The following ZNHIT3 variants were observed in gnomAD, a reference collection of about 807,000 sequenced individuals.
ZNHIT3 encodes zinc finger HIT-type containing 3, also known as zinc finger HIT domain-containing protein 3.
Under a neutral mutation model 19.9 loss-of-function variants are expected in ZNHIT3, and 27 were observed. The observed-to-expected ratio is 1.36, with a 90% CI of 1.00 to 1.87. The LOEUF (loss-of-function observed/expected upper bound fraction) is 1.87. Among genes scored for constraint, ZNHIT3 ranks in the 40% most tolerant of loss-of-function variants. The pLI, the probability that ZNHIT3 is intolerant of heterozygous loss-of-function variation, is 0.00. For missense variants in ZNHIT3, 215 were observed against 185.6 expected, an observed-to-expected ratio of 1.16 and a Z score of -0.92; for synonymous variants, 81 against 65.7, an observed-to-expected ratio of 1.23 and a Z score of -1.13.
At position 36,495,270 on chromosome 17, in the gene ZNHIT3, C is replaced by T. The variant is rs767262352; in HGVS notation, c.334C>T (p.Gln112Ter). 47 of 1,612,132 alleles carry T rather than the reference C, an allele frequency of 2.9e-5. No homozygotes were observed. The highest frequency in any genetic ancestry group is 3.9e-5 in the Non-Finnish European group (46 of 1,179,564). The change falls in exon 5 of 5, where the codon CAG (glutamine) becomes TAG (stop). Residue 112 changes from glutamine (Q) to a stop codon, truncating the protein, a stop_gained. Coordinates refer to ENST00000617429, the MANE Select transcript of ZNHIT3 (RefSeq NM_004773.4). LOFTEE classifies it high-confidence loss of function. ...CTTATTGCTCAATCCACACCTCAGG[C>T]AGTTGATGGTCAACCTCGATCAGGG... ...RSLLLNPHLRQLMVNLDQGED... is the reference protein window; with the variant it reads ...RSLLLNPHLR
chr17:36,498,745 G>C (rs1269334582), downstream of ZNHIT3: 1 of 637,794 alleles, frequency 1.6e-6, no homozygotes, highest in East Asian at 2.7e-5. Context: ...CCAGGCAACT[G>C]TGCTTAGGCC....
downstream of ZNHIT3, chr17:36,496,164 G>T: frequency 6.6e-7 from 1 of 1,523,722 alleles, no homozygotes. Flanking sequence ...AGCACTGTGG[G>T]AATAGTCTGG....
At chr17:36,498,852 T>G, downstream of ZNHIT3, 2 of 592,296 alleles carry the variant, frequency 3.4e-6, no homozygotes, top group South Asian at 4.1e-5. Context: ...CAGAGTTTGG[T>G]ATATTCCCAG....
At chr17:36,497,552 C>G, downstream of ZNHIT3, 1 of 984,092 alleles carries the variant, frequency 1.0e-6, no homozygotes, top group Non-Finnish European at 1.2e-6. Flanking sequence ...AATTTTTCCT[C>G]TTTTCTGTAA....
At chr17:36,496,417 G>C (rs755619694), downstream of ZNHIT3, 3 of 1,613,726 alleles carry the variant, frequency 1.9e-6, no homozygotes, top group Non-Finnish European at 2.5e-6. Flanking sequence ...CTAGAGGGGA[G>C]AGAGAGATGC....
chr17:36,491,968 G>A (rs1395191004), intron 2 of ZNHIT3: 1 of 152,190 alleles, frequency 6.6e-6, no homozygotes, highest in Non-Finnish European at 1.5e-5. Flanking sequence ...TCCATGTCAT[G>A]GGGGCTTCGT....
intron 2 of ZNHIT3, chr17:36,489,625 A>ATTTTT (rs61263050): frequency 1.4e-5 from 2 of 139,644 alleles, no homozygotes; most frequent in Non-Finnish European, 1.6e-5. Context: ...TCATTTGCCC[A>ATTTTT]TTTTTTTTTT....
chr17:36,489,006 C>T (rs2070660236), intron 2 of ZNHIT3, among the ~76,000 whole-genome samples: 1 of 152,246 alleles, frequency 6.6e-6, no homozygotes, highest in African/African-American at 2.4e-5. Flanking sequence ...TACCACTATT[C>T]TGCTCTCTAC....
chr17:36,495,755 T>A lies in ZNHIT3; in HGVS notation c.*351T>A. The A allele has an allele frequency of 8.8e-6, 11 of 1,246,126 alleles. No homozygotes were observed. Among genetic ancestry groups the A allele is most frequent in the Non-Finnish European group, 1.1e-5 (11 of 996,240 alleles). The allele number at this position is 1,246,126 out of a possible 1,614,324, so 77.2% of individuals were successfully genotyped here. On this transcript the variant is annotated 3_prime_UTR_variant, in exon 5 of 5. Transcript: ENST00000617429. The stretch of plus-strand genomic sequence containing the variant: ...ATAAAATCAAAACGTGATTCTACTG[T>A]ACATTGCATTATTCATAATTTAATT...
In ZNHIT3 at chr17:36,494,017, G is replaced by A. The variant is rs2070796718; in HGVS notation, c.286+11G>A. On this transcript the variant is annotated intron_variant, in intron 4 of 4. Coordinates refer to ENST00000617429, the MANE Select transcript of ZNHIT3 (RefSeq NM_004773.4). ...ATTTAAAGAATTTAGGTAAGTCTGT[G>A]CTATGCTTGTCAATCGTTGAGATAC... is the stretch of plus-strand genomic sequence containing the variant. 1 of 1,594,908 alleles carries A rather than the reference G, an allele frequency of 6.3e-7. No individual in the cohort carries two copies. Among genetic ancestry groups the A allele is most frequent in the African/African-American group, 1.3e-5 (1 of 74,610 alleles).
rs1386004148 is a variant in ZNHIT3, at chr17:36,492,796, A to C, written c.119-17A>C. ...GAAATGGAGGTAATGTGGGCCTGGG[A>C]TTTGTGTCTTTTTCAGAACAGTGCA... On this transcript the variant is annotated splice_polypyrimidine_tract_variant and intron_variant, in intron 2 of 4. Transcript: ENST00000617429. 14 of 1,612,006 alleles carry C rather than the reference A, an allele frequency of 8.7e-6. No individual in the cohort carries two copies. Among genetic ancestry groups the C allele is most frequent in the Non-Finnish European group, 1.0e-5 (12 of 1,178,898 alleles).
chr17:36,494,422 G>C (rs1404649317), intron 4 of ZNHIT3, among the ~76,000 whole-genome samples: 2 of 152,214 alleles, frequency 1.3e-5, no homozygotes, highest in Admixed American at 1.3e-4. Context: ...TGTATTCCCA[G>C]ATCCCCAGTG....
intron 2 of ZNHIT3, among the ~76,000 whole-genome samples, chr17:36,487,601 C>T (rs541319582): frequency 4.0e-5 from 6 of 151,872 alleles, no homozygotes; most frequent in Non-Finnish European, 7.4e-5. Context: ...CGAGACCAGC[C>T]TGGCCAACAT....
intron 3 of ZNHIT3, 79 bp from the exon 4 acceptor site, chr17:36,493,847 C>G: frequency 1.0e-6 from 1 of 962,352 alleles, no homozygotes. Flanking sequence ...ACATTTTTAT[C>G]CTGTTCAAGT....
At chr17:36,487,218 CCTT>C (rs1251346323) in intron 2 of ZNHIT3, among the ~76,000 whole-genome samples, 1 of 152,140 alleles carries the variant, frequency 6.6e-6, no homozygotes, top group Non-Finnish European at 1.5e-5. Flanking sequence ...CCCCGCTTCT[CCTT>C]CTGCGTGTTA....
chr17:36,495,443 C>T lies in ZNHIT3; in HGVS notation c.*39C>T. The T allele has an allele frequency of 1.3e-6, 2 of 1,525,210 alleles. No homozygotes were observed. Among genetic ancestry groups the T allele is most frequent in the Non-Finnish European group, 1.8e-6 (2 of 1,138,458 alleles). The allele number at this position is 1,525,210 out of a possible 1,614,324, so 94.5% of individuals were successfully genotyped here. On this transcript the variant is annotated 3_prime_UTR_variant, in exon 5 of 5. Coordinates refer to ENST00000617429, the MANE Select transcript of ZNHIT3 (RefSeq NM_004773.4). Reference sequence around the variant, plus strand: ...GCTGCTTGCTCAAGCGTGTGCTTGACTCCTGGAACCTGCCTGCTCCCTCTC... The same window carrying T: ...GCTGCTTGCTCAAGCGTGTGCTTGATTCCTGGAACCTGCCTGCTCCCTCTC...
At position 36,495,584 on chromosome 17, in the gene ZNHIT3, G is replaced by T; in HGVS notation, c.*180G>T. On this transcript the variant is annotated 3_prime_UTR_variant, in exon 5 of 5. Transcript: ENST00000617429. ...TGGCTCATGTTTCAGGCAGACTTGG[G>T]GTCCTTAAGGTGGCAAGTCCTTTAT... 7.7e-7 allele frequency: 1 copy of T among 1,301,356 alleles called. No homozygotes were observed. Among genetic ancestry groups the T allele is most frequent in the Non-Finnish European group, 9.7e-7 (1 of 1,028,218 alleles). The allele number at this position is 1,301,356 out of a possible 1,614,324, so 80.6% of individuals were successfully genotyped here.
Position 36,486,772 on chromosome 17 carries a change from T to G in ZNHIT3, c.73T>G (p.Cys25Gly). The G allele has an allele frequency of 1.2e-6, 2 of 1,600,206 alleles. No individual in the cohort carries two copies. Among genetic ancestry groups the G allele is most frequent in the East Asian group, 4.6e-5 (2 of 43,640 alleles). ...LEKPKYRCPA[C>G]RVPYCSVVCF... Reference sequence around the variant, plus strand: ...GAAGCCCAAATACCGCTGTCCAGCCTGCCGCGTGCCCTAGTGAGCGGGGAG... The same window carrying G: ...GAAGCCCAAATACCGCTGTCCAGCCGGCCGCGTGCCCTAGTGAGCGGGGAG... The change falls in exon 1 of 5, where the codon TGC (cysteine) becomes GGC (glycine). Residue 25 changes from cysteine (C) to glycine (G), a missense_variant. Cys to Gly is a radical substitution (Grantham distance 159). Transcript: ENST00000617429.
Position 36,493,909 on chromosome 17 carries a change from T to A in ZNHIT3, c.206-17T>A. On this transcript the variant is annotated splice_polypyrimidine_tract_variant and intron_variant, in intron 3 of 4. Coordinates refer to ENST00000617429, the MANE Select transcript of ZNHIT3 (RefSeq NM_004773.4). ...TCCTTTTTAGCCATGAGCCATTGAC[T>A]GTTTTGTATTCCTTAGATGATGATG... is the stretch of plus-strand genomic sequence containing the variant. The A allele has an allele frequency of 6.3e-7, 1 of 1,591,960 alleles. No individual in the cohort carries two copies. The highest frequency in any genetic ancestry group is 8.6e-7 in the Non-Finnish European group (1 of 1,160,796).
Sources: allele counts gnomAD v4.1 joint callset (sites outside exome capture counted in the v4.1 genomes callset), GRCh38; gene constraint gnomAD v4.1.1; transcripts MANE v1.5; gene names NCBI Gene and HGNC (gene_info 2026-07-23, HGNC 2026-07-21).